GRID1: variants seen among roughly 807,000 people sequenced by gnomAD.
GRID1 encodes glutamate ionotropic receptor delta type subunit 1.
A neutral mutation model predicts 98.0 loss-of-function variants in GRID1; 28 were observed. That is an observed-to-expected ratio of 0.29 (90% confidence interval 0.21 to 0.39). The LOEUF is 0.39. Among genes scored for constraint, GRID1 ranks in the 10% least tolerant of loss-of-function variants. The probability of loss-of-function intolerance (pLI) is 1.00; values close to 1 mark genes in which losing one functional copy is unlikely to be tolerated. For synonymous variants in GRID1, 553 were observed against 538.5 expected, an observed-to-expected ratio of 1.03 and a Z score of -0.37; for missense variants, 1,111 against 1,340.5, an observed-to-expected ratio of 0.83 and a Z score of 2.67.
At chr10:85,660,616 C>G (rs998359559) in intron 12 of GRID1, among the ~76,000 whole-genome samples, 2 of 151,894 alleles carry the variant, frequency 1.3e-5, no homozygotes, top group Non-Finnish European at 2.9e-5. Flanking sequence ...GGATCATGAG[C>G]AGAGCTGATC....
In GRID1 at chr10:85,889,220, C is replaced by G. The variant is rs144996409; in HGVS notation, c.781-20040G>C. ...TCCAGGTAACGGGTTTCAGCAGTCACAGGCAGAGACATGCCCCTTTCTGCA... is the reference window on the plus strand; with the variant it reads ...TCCAGGTAACGGGTTTCAGCAGTCAGAGGCAGAGACATGCCCCTTTCTGCA... On this transcript the variant is annotated intron_variant, in intron 5 of 15. Coordinates refer to ENST00000327946, the MANE Select transcript of GRID1 (RefSeq NM_017551.3). 3.8e-3 allele frequency among the ~76,000 whole-genome samples: 579 copies of G among 152,318 alleles called. 1 individual carries two copies. Among genetic ancestry groups the G allele is most frequent in the Non-Finnish European group, 5.5e-3 (371 of 68,034 alleles).
chr10:86,029,254 A>C (rs937640373), intron 4 of GRID1, among the ~76,000 whole-genome samples: 6 of 152,214 alleles, frequency 3.9e-5, no homozygotes, highest in Non-Finnish European at 8.8e-5. Flanking sequence ...CTCAGGCCAA[A>C]AGTGATGGCA....
chr10:86,189,837 T>C (rs921274009), intron 3 of GRID1, among the ~76,000 whole-genome samples: 1 of 152,146 alleles, frequency 6.6e-6, no homozygotes, highest in African/African-American at 2.4e-5. Context: ...AGGAGGCTCT[T>C]GTGCCCACTA....
At chr10:85,946,165 T>C (rs1842051405) in intron 4 of GRID1, among the ~76,000 whole-genome samples, 1 of 152,176 alleles carries the variant, frequency 6.6e-6, no homozygotes, top group African/African-American at 2.4e-5. Context: ...AGATCACCAG[T>C]GAAGCTCTGG....
intron 4 of GRID1, among the ~76,000 whole-genome samples, chr10:86,111,369 C>A (rs1844481076): frequency 6.6e-6 from 1 of 152,186 alleles, no homozygotes; most frequent in South Asian, 2.1e-4. Context: ...TCCAATCAAC[C>A]ATGCCCAGCC....
At chr10:86,355,701 G>T (rs1662293660) in intron 2 of GRID1, among the ~76,000 whole-genome samples, 1 of 152,268 alleles carries the variant, frequency 6.6e-6, no homozygotes, top group Non-Finnish European at 1.5e-5. Context: ...CAGGCTGGGA[G>T]GAAGGGCTCA....
chr10:85,877,817 T>G (rs1324483984), intron 5 of GRID1, among the ~76,000 whole-genome samples: 1 of 152,058 alleles, frequency 6.6e-6, no homozygotes, highest in Non-Finnish European at 1.5e-5. Context: ...ACGATGAAAA[T>G]ACTCCGAGCT....
At chr10:85,653,211 A>G (rs1313074374) in intron 12 of GRID1, among the ~76,000 whole-genome samples, 2 of 152,230 alleles carry the variant, frequency 1.3e-5, no homozygotes, top group Non-Finnish European at 2.9e-5. Context: ...GGGCATCGTC[A>G]GCTGACCCCT....
At chr10:85,980,566 C>T (rs1475767462) in intron 4 of GRID1, among the ~76,000 whole-genome samples, 2 of 152,204 alleles carry the variant, frequency 1.3e-5, no homozygotes, top group Admixed American at 6.5e-5. Flanking sequence ...GCAGCATCTC[C>T]GGATGTTTCC....
At position 86,146,204 on chromosome 10, in the gene GRID1, G is replaced by A. The variant is rs555571137; in HGVS notation, c.521-7180C>T. Among the ~76,000 whole-genome samples, 4 of 152,104 alleles carry A rather than the reference G, an allele frequency of 2.6e-5. No homozygotes were observed. In the South Asian group the frequency reaches 6.2e-4, roughly 24 times the overall value. ...ATACATGAAGGCTGCCACCTCACAC[G>A]CAGAAGAAATTCACAGTTAAAAGTG... On this transcript the variant is annotated intron_variant, in intron 3 of 15. Transcript: ENST00000327946.
In GRID1 at chr10:85,992,095, A is replaced by G. The variant is rs1258845485; in HGVS notation, c.727-75856T>C. On this transcript the variant is annotated intron_variant, in intron 4 of 15. Transcript: ENST00000327946. ...ATGGGGCAATGAGCCAGCTGGTGCAAGTGCAGGTGGGCTTGACTTTGGAGA... is the reference window on the plus strand; with the variant it reads ...ATGGGGCAATGAGCCAGCTGGTGCAGGTGCAGGTGGGCTTGACTTTGGAGA... Among the ~76,000 whole-genome samples the G allele has an allele frequency of 2.0e-5, 3 of 152,100 alleles. No individual in the cohort carries two copies. In the East Asian group the frequency reaches 5.8e-4, roughly 29 times the overall value.
At chr10:86,232,898 C>T (rs1215926651) in intron 2 of GRID1, among the ~76,000 whole-genome samples, 1 of 152,036 alleles carries the variant, frequency 6.6e-6, no homozygotes, top group East Asian at 1.9e-4. Flanking sequence ...CAAGCTTTCC[C>T]AAGAGTTAAA....
At chr10:86,226,840 C>T (rs191691140) in intron 2 of GRID1, among the ~76,000 whole-genome samples, 28 of 151,794 alleles carry the variant, frequency 1.8e-4, no homozygotes, top group Non-Finnish European at 2.9e-5. Context: ...CTGAGCTCAG[C>T]CAGCTTGCAC....
At chr10:85,823,786 T>C (rs953139626) in intron 8 of GRID1, among the ~76,000 whole-genome samples, 1 of 152,164 alleles carries the variant, frequency 6.6e-6, no homozygotes, top group Non-Finnish European at 1.5e-5. Flanking sequence ...CCAGGAATGA[T>C]GGAATCAAGA....
chr10:86,234,962 T>C (rs2132038246), intron 2 of GRID1, among the ~76,000 whole-genome samples: 2 of 151,936 alleles, frequency 1.3e-5, no homozygotes, highest in South Asian at 4.2e-4. Context: ...GGGAGGGAGG[T>C]GCAGGGGAGA....
intron 13 of GRID1, among the ~76,000 whole-genome samples, chr10:85,642,606 C>T (rs1352984049): frequency 6.6e-6 from 1 of 152,118 alleles, no homozygotes; most frequent in Non-Finnish European, 1.5e-5. Flanking sequence ...TTACTGGGTG[C>T]CAGGCAGGTT....
In GRID1 at chr10:85,724,530, T is replaced by C. The variant is rs754624869; in HGVS notation, c.1680A>G (p.Pro560=). 1.2e-6 allele frequency: 2 copies of C among 1,613,970 alleles called. No individual in the cohort carries two copies. Among genetic ancestry groups the C allele is most frequent in the South Asian group, 1.1e-5 (1 of 91,084 alleles). The part of the protein sequence containing the change: ...EKISIFSLFA[P]FDFAVWACIA... ...TGCAGGCCCACACAGCGAAATCAAATGGAGCAAAGAGGGAGAAGATGCTGA... is the reference window on the plus strand; with the variant it reads ...TGCAGGCCCACACAGCGAAATCAAACGGAGCAAAGAGGGAGAAGATGCTGA... The change falls in exon 11 of 16, where the codon CCA becomes CCG. Residue 560 remains proline, a synonymous_variant. Coordinates refer to ENST00000327946, the MANE Select transcript of GRID1 (RefSeq NM_017551.3).
chr10:85,804,691 A>T (rs1357036874), intron 8 of GRID1, among the ~76,000 whole-genome samples: 1 of 151,920 alleles, frequency 6.6e-6, no homozygotes, highest in Non-Finnish European at 1.5e-5. Context: ...AAAATCAGTC[A>T]ATATAATTCA....
chr10:85,691,878 T>G (rs1029716081), intron 12 of GRID1, among the ~76,000 whole-genome samples: 1 of 152,136 alleles, frequency 6.6e-6, no homozygotes, highest in Non-Finnish European at 1.5e-5. Context: ...CCAAAAGCAA[T>G]GACCAGCTCA....
Sources: allele counts gnomAD v4.1 joint callset (sites outside exome capture counted in the v4.1 genomes callset), GRCh38; gene constraint gnomAD v4.1.1; transcripts MANE v1.5; gene names NCBI Gene and HGNC (gene_info 2026-07-23, HGNC 2026-07-21).